The following ZNF732 variants were observed in gnomAD, a reference collection of about 807,000 sequenced individuals.
The protein encoded by ZNF732 is zinc finger protein LOC654254.
In ZNF732, 12 loss-of-function variants were observed where a neutral mutation model predicts 11.5. The ratio of observed to expected loss-of-function variants is 1.05; its 90% CI spans 0.67 to 1.70. The LOEUF (loss-of-function observed/expected upper bound fraction) is 1.70. Ranked by LOEUF, ZNF732 falls within the 40% of genes most tolerant of loss-of-function variation. The probability of loss-of-function intolerance (pLI) is 0.00; values close to 1 mark genes in which losing one functional copy is unlikely to be tolerated. For synonymous variants in ZNF732, 231 were observed against 236.5 expected, an observed-to-expected ratio of 0.98 and a Z score of 0.21; for missense variants, 702 against 676.9, an observed-to-expected ratio of 1.04 and a Z score of -0.41.
chr4:298,279 C>A (rs1354187965), intron 1 of ZNF732, among the ~76,000 whole-genome samples: 6 of 152,130 alleles, frequency 3.9e-5, no homozygotes, highest in African/African-American at 1.4e-4. Context: ...TGAATTCAAC[C>A]ATTTATTCAT....
intron 1 of ZNF732, among the ~76,000 whole-genome samples, chr4:297,278 AC>A (rs1423031330): frequency 2.0e-5 from 3 of 151,756 alleles, no homozygotes; most frequent in Non-Finnish European, 4.4e-5. Context: ...AAAAAAAAAA[AC>A]AACAAAAAAC....
chr4:290,710 T>G (rs1553841234), intron 3 of ZNF732, among the ~76,000 whole-genome samples: 1 of 152,186 alleles, frequency 6.6e-6, no homozygotes, highest in East Asian at 1.9e-4. Flanking sequence ...CCATATAGAT[T>G]AATGTCCTCA....
intron 1 of ZNF732, among the ~76,000 whole-genome samples, chr4:300,902 G>A (rs2108662372): frequency 6.6e-6 from 1 of 152,274 alleles, no homozygotes; most frequent in East Asian, 1.9e-4. Context: ...CTTCTGCACA[G>A]CAAAAGAAAC....
Position 271,018 on chromosome 4 carries a change from T to C in ZNF732, c.*81A>G. On this transcript the variant is annotated 3_prime_UTR_variant, in exon 4 of 4. Coordinates refer to ENST00000419098, the MANE Select transcript of ZNF732 (RefSeq NM_001137608.3). ...CTTTGCCACATTCTTCACATTTGTA[T>C]AGTTTATTTCCAGTATAAATTTTCT... 1 of 1,120,712 alleles carries C rather than the reference T, an allele frequency of 8.9e-7. No homozygotes were observed. The highest frequency in any genetic ancestry group is 1.3e-6 in the Non-Finnish European group (1 of 783,372). The allele number at this position is 1,120,712 out of a possible 1,614,324, so 69.4% of individuals were successfully genotyped here. A position where few individuals can be genotyped will look rare whatever the true frequency, so the allele number is the denominator to read the frequency against.
intron 3 of ZNF732, among the ~76,000 whole-genome samples, chr4:276,946 A>G (rs1484133735): frequency 6.6e-6 from 1 of 150,722 alleles, no homozygotes; most frequent in Non-Finnish European, 1.5e-5. Flanking sequence ...ACAGCATGAT[A>G]ATGACATAGA....
intron 3 of ZNF732, among the ~76,000 whole-genome samples, chr4:277,983 A>C (rs1000613684): frequency 9.2e-5 from 14 of 152,334 alleles, no homozygotes; most frequent in African/African-American, 3.4e-4. Context: ...CCAAGTGTCC[A>C]AAACTTGGAT....
At chr4:297,616 A>AAAAC (rs1283404108) in intron 1 of ZNF732, among the ~76,000 whole-genome samples, 1 of 151,370 alleles carries the variant, frequency 6.6e-6, no homozygotes, top group African/African-American at 2.4e-5. Context: ...GTAAAAAAAA[A>AAAAC]AAAAAAAAAA....
intron 3 of ZNF732, among the ~76,000 whole-genome samples, chr4:293,654 T>C (rs1302827627): frequency 2.0e-5 from 3 of 152,168 alleles, no homozygotes; most frequent in African/African-American, 4.8e-5. Context: ...GTTAATACTA[T>C]AATGTATGCT....
At chr4:303,858 G>A (rs1720170648) in intron 1 of ZNF732, among the ~76,000 whole-genome samples, 1 of 152,172 alleles carries the variant, frequency 6.6e-6, no homozygotes, top group Non-Finnish European at 1.5e-5. Context: ...GAAGAAAAAA[G>A]CAGAAGAGAG....
At chr4:293,267 T>C (rs1390241407) in intron 3 of ZNF732, among the ~76,000 whole-genome samples, 9 of 146,602 alleles carry the variant, frequency 6.1e-5, no homozygotes, top group African/African-American at 1.3e-4. Flanking sequence ...CACATATATA[T>C]GTATATATGT....
intron 3 of ZNF732, among the ~76,000 whole-genome samples, chr4:273,822 A>G (rs1277720366): frequency 2.0e-5 from 3 of 151,722 alleles, no homozygotes; most frequent in African/African-American, 7.2e-5. Flanking sequence ...TCTGTCAACA[A>G]AACTATTTCG....
chr4:279,161 G>A (rs1233389021), intron 3 of ZNF732, among the ~76,000 whole-genome samples: 1 of 151,760 alleles, frequency 6.6e-6, no homozygotes, highest in Non-Finnish European at 1.5e-5. Flanking sequence ...CATGGGGGCC[G>A]GGTGCAGTGG....
chr4:277,674 G>GA (rs1269674042), intron 3 of ZNF732, among the ~76,000 whole-genome samples: 6 of 151,206 alleles, frequency 4.0e-5, no homozygotes, highest in African/African-American at 9.7e-5. Context: ...AGCCATTATA[G>GA]AAAAAAAACA....
At chr4:275,597 A>G (rs1224333413) in intron 3 of ZNF732, among the ~76,000 whole-genome samples, 2 of 151,758 alleles carry the variant, frequency 1.3e-5, no homozygotes, top group African/African-American at 4.8e-5. Flanking sequence ...ACTCTCACAC[A>G]TGGTCACATG....
chr4:274,227 TATG>T (rs1719447409), intron 3 of ZNF732, among the ~76,000 whole-genome samples: 1 of 151,624 alleles, frequency 6.6e-6, no homozygotes, highest in Non-Finnish European at 1.5e-5. Flanking sequence ...ACAACAACAA[TATG>T]ATTACTGACA....
intron 1 of ZNF732, among the ~76,000 whole-genome samples, chr4:300,388 A>AG (rs1178759152): frequency 1.4e-5 from 2 of 145,436 alleles, no homozygotes; most frequent in Admixed American, 1.4e-4. Context: ...ACTTGAACTC[A>AG]GGGGGCAGAG....
At chr4:300,537 G>A (rs1188897436) in intron 1 of ZNF732, among the ~76,000 whole-genome samples, 6 of 150,880 alleles carry the variant, frequency 4.0e-5, no homozygotes, top group Admixed American at 3.9e-4. Flanking sequence ...AAGACAAATA[G>A]TTCAAAGAGG....
intron 1 of ZNF732, among the ~76,000 whole-genome samples, chr4:299,488 T>TGTGTATATATATACACATATATACAC (rs1560165358): frequency 9.5e-6 from 1 of 104,992 alleles, no homozygotes; most frequent in African/African-American, 3.9e-5. Context: ...TATATACACA[T>TGTGTATATATATACACATATATACAC]ATGTGTGTAT....
intron 3 of ZNF732, 38 bp downstream of exon 3, chr4:295,400 C>T (rs1553842081): frequency 1.3e-6 from 2 of 1,545,686 alleles, no homozygotes; most frequent in South Asian, 2.3e-5. Flanking sequence ...ACCTTGGTCC[C>T]CTGGCCTGTG....
Sources: allele counts gnomAD v4.1 joint callset (sites outside exome capture counted in the v4.1 genomes callset), GRCh38; gene constraint gnomAD v4.1.1; transcripts MANE v1.5; gene names NCBI Gene and HGNC (gene_info 2026-07-23, HGNC 2026-07-21).